The following METTL15 variants were observed in gnomAD, a reference collection of about 807,000 sequenced individuals.
METTL15 encodes methyltransferase 15, mitochondrial 12S rRNA N4-cytidine, also known as 12S rRNA N(4)-cytidine methyltransferase METTL15.
Under a neutral mutation model 38.3 loss-of-function variants are expected in METTL15, and 34 were observed. The observed-to-expected ratio is 0.89, with a 90% CI of 0.68 to 1.18. METTL15 has a LOEUF of 1.18. Among genes scored for constraint, METTL15 ranks in the 50% most tolerant of loss-of-function variants. METTL15 has a pLI of 0.00. For missense variants in METTL15, 438 were observed against 498.4 expected, an observed-to-expected ratio of 0.88 and a Z score of 1.15; for synonymous variants, 162 against 170.9, an observed-to-expected ratio of 0.95 and a Z score of 0.41.
intron 5 of METTL15, among the ~76,000 whole-genome samples, chr11:28,391,610 A>T (rs2133394283): frequency 6.6e-6 from 1 of 152,308 alleles, no homozygotes; most frequent in East Asian, 1.9e-4. Context: ...CTGGTACCAA[A>T]ACAGAGATAT....
At chr11:28,119,016 T>C (rs1001548555) in intron 3 of METTL15, among the ~76,000 whole-genome samples, 1 of 152,132 alleles carries the variant, frequency 6.6e-6, no homozygotes, top group African/African-American at 2.4e-5. Context: ...AACCAACCTG[T>C]CTGGAACTGA....
At chr11:28,220,480 A>C (rs1364880836) in intron 4 of METTL15, among the ~76,000 whole-genome samples, 1 of 152,100 alleles carries the variant, frequency 6.6e-6, no homozygotes, top group Admixed American at 6.6e-5. Flanking sequence ...GGGTTTCCTG[A>C]ATACAGCACA....
intron 5 of METTL15, among the ~76,000 whole-genome samples, chr11:28,384,659 G>A (rs11030311): frequency 6.6e-6 from 1 of 152,224 alleles, no homozygotes; most frequent in African/African-American, 2.4e-5. Context: ...TATATACTCA[G>A]TAATGGGATT....
At chr11:28,319,290 T>C (rs1397497173) in intron 6 of METTL15, among the ~76,000 whole-genome samples, 1 of 152,178 alleles carries the variant, frequency 6.6e-6, no homozygotes, top group African/African-American at 2.4e-5. Flanking sequence ...CCATGTGATC[T>C]CATCTTGACT....
At chr11:28,434,235 C>A (rs1564930642) in intron 6 of METTL15, among the ~76,000 whole-genome samples, 1 of 152,190 alleles carries the variant, frequency 6.6e-6, no homozygotes, top group African/African-American at 2.4e-5. Context: ...CCTGCCATCA[C>A]ATGAAGAAGG....
chr11:28,434,661 G>A (rs192456409), intron 6 of METTL15, among the ~76,000 whole-genome samples: 13 of 152,316 alleles, frequency 8.5e-5, no homozygotes, highest in Non-Finnish European at 1.3e-4. Context: ...GTCTGTATCA[G>A]TTCACACTTG....
intron 4 of METTL15, among the ~76,000 whole-genome samples, chr11:28,281,878 A>G (rs12800502): frequency 0.11 from 17,030 of 152,224 alleles, 1,314 homozygotes; most frequent in Non-Finnish European, 0.17. Flanking sequence ...GGGACCTGCT[A>G]GATTGTTATT....
At chr11:28,337,614 C>T (rs190682528), downstream of METTL15, among the ~76,000 whole-genome samples, 110 of 152,248 alleles carry the variant, frequency 7.2e-4, no homozygotes, top group Non-Finnish European at 9.7e-4. Flanking sequence ...ACATTCACAA[C>T]TCACTGACTC....
intron 3 of METTL15, chr11:28,123,840 A>C: frequency 7.1e-7 from 1 of 1,407,286 alleles, no homozygotes. Flanking sequence ...CTTTTGTTAC[A>C]TGTATTTTTC....
rs965218619 is a variant in METTL15, at chr11:28,179,333, G to T, written c.271-31729G>T. 6.6e-5 allele frequency among the ~76,000 whole-genome samples: 10 copies of T among 151,776 alleles called. No homozygotes were observed. The South Asian group carries it at 2.1e-3, about 32-fold the overall frequency. ...ACAGTTTTTTATTAAGTGAAGTCTAGAATGCATGTATAAAAATACAGACGT... is the reference window on the plus strand; with the variant it reads ...ACAGTTTTTTATTAAGTGAAGTCTATAATGCATGTATAAAAATACAGACGT... On this transcript the variant is annotated intron_variant, in intron 3 of 6. Transcript: ENST00000407364.
intron 3 of METTL15, among the ~76,000 whole-genome samples, chr11:28,343,572 G>A (rs989211548): frequency 3.9e-5 from 6 of 152,220 alleles, no homozygotes; most frequent in Non-Finnish European, 8.8e-5. Context: ...TCTTTCTTCA[G>A]ATCAGTTAAA....
At chr11:28,443,079 A>T (rs1267412031) in intron 6 of METTL15, among the ~76,000 whole-genome samples, 1 of 152,132 alleles carries the variant, frequency 6.6e-6, no homozygotes, top group African/African-American at 2.4e-5. Flanking sequence ...CATTGCCATC[A>T]CCCTGACATC....
chr11:28,462,702 G>T (rs1402211555), intron 6 of METTL15, among the ~76,000 whole-genome samples: 1 of 151,984 alleles, frequency 6.6e-6, no homozygotes, highest in Non-Finnish European at 1.5e-5. Context: ...GCATCTGAAT[G>T]GTCCAACTTG....
intron 6 of METTL15, among the ~76,000 whole-genome samples, chr11:28,513,170 G>T (rs970297740): frequency 6.6e-6 from 1 of 152,152 alleles, no homozygotes; most frequent in Non-Finnish European, 1.5e-5. Flanking sequence ...AACATTGCAT[G>T]TCAAGAGAGC....
chr11:28,200,870 C>A (rs1013313094), intron 3 of METTL15, among the ~76,000 whole-genome samples: 2 of 152,076 alleles, frequency 1.3e-5, no homozygotes, highest in African/African-American at 2.4e-5. Context: ...AAATTGATTT[C>A]TTCTCTTCCT....
At chr11:28,388,935 G>A (rs182843083) in intron 5 of METTL15, among the ~76,000 whole-genome samples, 13 of 151,958 alleles carry the variant, frequency 8.6e-5, no homozygotes, top group Admixed American at 3.9e-4. Context: ...TGCAGTGTTC[G>A]GTTTTTTGTC....
chr11:28,373,164 C>T (rs1467125310), intron 5 of METTL15, among the ~76,000 whole-genome samples: 60 of 151,994 alleles, frequency 3.9e-4, no homozygotes, highest in African/African-American at 5.3e-4. Context: ...TCAAATGGTA[C>T]TTCTAGTTCT....
At chr11:28,504,823 A>AT (rs1193679825) in intron 6 of METTL15, among the ~76,000 whole-genome samples, 1 of 152,184 alleles carries the variant, frequency 6.6e-6, no homozygotes, top group East Asian at 1.9e-4. Flanking sequence ...CCACAGAGCA[A>AT]TTTTCCTTTG....
At chr11:28,393,274 G>A (rs533915145) in intron 5 of METTL15, among the ~76,000 whole-genome samples, 36 of 152,154 alleles carry the variant, frequency 2.4e-4, no homozygotes, top group East Asian at 7.7e-4. Flanking sequence ...TGGAAGTAGC[G>A]TAAATGTCCA....
Sources: gnomAD v4.1 joint callset for allele counts (sites outside exome capture counted in the v4.1 genomes callset) on GRCh38, gnomAD v4.1.1 for gene constraint, MANE v1.5 for transcripts, NCBI Gene and HGNC (gene_info 2026-07-23, HGNC 2026-07-21) for gene names.